MYCN: variants seen among roughly 807,000 people sequenced by gnomAD.
MYCN encodes the protein MYCN proto-oncogene, bHLH transcription factor.
A neutral mutation model predicts 28.1 loss-of-function variants in MYCN; 3 were observed. That is an observed-to-expected ratio of 0.11 (90% CI 0.05 to 0.28). The LOEUF is 0.28. Among genes scored for constraint, MYCN ranks in the 10% least tolerant of loss-of-function variants. The probability of loss-of-function intolerance (pLI) is 1.00; values close to 1 mark genes in which losing one functional copy is unlikely to be tolerated. For missense variants in MYCN, 572 were observed against 651.4 expected (o/e 0.88, Z 1.33); for synonymous variants, 326 against 288.3 (o/e 1.13, Z -1.32).
rs1572222131 is a variant in MYCN at position 15,946,391 on chromosome 2, A to C, written c.*294A>C. On this transcript the variant is annotated 3_prime_UTR_variant, in exon 3 of 3. Coordinates refer to ENST00000281043, the MANE Select transcript of MYCN (RefSeq NM_005378.6). ...CTGTTGAAGTCACCTTGTGTGTTCC[A>C]AGTTTCCAAACAACAGAAAGTCATT... 1.0e-5 allele frequency: 5 copies of C among 484,826 alleles called. No individual in the cohort carries two copies. Among genetic ancestry groups the C allele is most frequent in the Non-Finnish European group, 1.9e-5 (5 of 265,382 alleles). The allele number at this position is 484,826 out of a possible 1,614,324, so 30.0% of individuals were successfully genotyped here. A position where few individuals can be genotyped will look rare whatever the true frequency, so the allele number is the denominator to read the frequency against.
chr2:15,944,725 T>C (rs1361214281), intron 2 of MYCN, among the ~76,000 whole-genome samples: 2 of 152,186 alleles, frequency 1.3e-5, no homozygotes. Context: ...CTCAGCTCTA[T>C]GCTAAGTCTA....
Position 15,942,214 on chromosome 2 carries a change from G to A in MYCN, c.150G>A (p.Trp50Ter), listed in dbSNP as rs2103323877. ...CGACCCCCCCGGGGGAGGACATCTG[G>A]AAGAAGTTTGAGCTGCTGCCCACGC... ...PDSTPPGEDI[W>*]KKFELLPTPP... Residue 50 changes from tryptophan (W) to a stop codon, truncating the protein, a stop_gained, in exon 2 of 3, where the codon TGG becomes TGA. Transcript: ENST00000281043. LOFTEE classifies it high-confidence loss of function. This position sits in a 1 kb window ranked among gnomAD's most constrained non-coding sequence, Gnocchi z 7.0. 6.2e-7 allele frequency: 1 copy of A among 1,613,506 alleles called. No individual in the cohort carries two copies. The highest frequency in any genetic ancestry group is 1.1e-5 in the South Asian group (1 of 91,086).
In MYCN at chr2:15,942,605, C is replaced by T; in HGVS notation, c.541C>T (p.His181Tyr). The change falls in exon 2 of 3, where the codon CAC becomes TAC. Residue 181 changes from histidine (H) to tyrosine (Y), a missense_variant. Physicochemically the swap from His to Tyr is moderately conservative, Grantham distance 83 (BLOSUM62 2). Coordinates refer to ENST00000281043, the MANE Select transcript of MYCN (RefSeq NM_005378.6). The surrounding 1 kb of genome is among the most constrained non-coding windows in gnomAD (Gnocchi z 7.0). ...AGAALPAELA[H>Y]PAAECVDPAV... Reference sequence around the variant, plus strand: ...GGCCGCCCTGCCCGCCGAGCTCGCCCACCCGGCCGCCGAGTGCGTGGATCC... The same window carrying T: ...GGCCGCCCTGCCCGCCGAGCTCGCCTACCCGGCCGCCGAGTGCGTGGATCC... The T allele has an allele frequency of 2.7e-6, 3 of 1,092,206 alleles. No homozygotes were observed. The highest frequency in any genetic ancestry group is 3.3e-6 in the Non-Finnish European group (3 of 899,692). The allele number at this position is 1,092,206 out of a possible 1,614,324, so 67.7% of individuals were successfully genotyped here.
chr2:15,945,146 C>T lies in MYCN; in HGVS notation c.791-347C>T, dbSNP rs911594423. 7.9e-5 allele frequency among the ~76,000 whole-genome samples: 12 copies of T among 151,880 alleles called. No homozygotes were observed. Among genetic ancestry groups the T allele is most frequent in the South Asian group, 4.2e-4 (2 of 4,800 alleles). On this transcript the variant is annotated intron_variant, in intron 2 of 2. Transcript: ENST00000281043. The surrounding 1 kb of genome is among the most constrained non-coding windows in gnomAD (Gnocchi z 4.8). ...TCCCGAGTAGCTGGGATTACCGGAG[C>T]ATGCCACCACACCCAGCAAAGTTTT...
chr2:15,940,850 T>G lies in MYCN; in HGVS notation c.-118+107T>G, dbSNP rs561038774. 17 of 397,484 alleles carry G rather than the reference T, an allele frequency of 4.3e-5. 1 individual carries two copies. In the East Asian group the frequency reaches 6.1e-4, roughly 14 times the overall value. The allele number at this position is 397,484 out of a possible 1,614,324, so 24.6% of individuals were successfully genotyped here. The stretch of plus-strand genomic sequence containing the variant: ...GACGTGCGCACCGGGCGCCCTAATA[T>G]GCCCGGGGGACTGTTTCTGCTTCCG... On this transcript the variant is annotated intron_variant, in intron 1 of 2. Transcript: ENST00000281043.
At chr2:15,944,485 ACT>A (rs1662807286) in intron 2 of MYCN, among the ~76,000 whole-genome samples, 1 of 152,174 alleles carries the variant, frequency 6.6e-6, no homozygotes, top group Non-Finnish European at 1.5e-5. Context: ...ATTGTATAAA[ACT>A]CAGGTTTGTG....
At position 15,942,179 on chromosome 2, in the gene MYCN, G is replaced by A. The variant is rs1261161870; in HGVS notation, c.115G>A (p.Gly39Ser). ...YPDEDDFYFG[G>S]PDSTPPGEDI... ...GGACGAAGATGACTTCTACTTCGGC[G>A]GCCCCGACTCGACCCCCCCGGGGGA... is the stretch of plus-strand genomic sequence containing the variant. Residue 39 changes from glycine (G) to serine (S), a missense_variant, in exon 2 of 3, where the codon GGC becomes AGC. Gly to Ser is a moderately conservative substitution (Grantham distance 56). Transcript: ENST00000281043. This position sits in a 1 kb window ranked among gnomAD's most constrained non-coding sequence, Gnocchi z 7.0. 1.2e-6 allele frequency: 2 copies of A among 1,613,732 alleles called. No homozygotes were observed. Among genetic ancestry groups the A allele is most frequent in the Admixed American group, 1.7e-5 (1 of 60,030 alleles).
intron 2 of MYCN, among the ~76,000 whole-genome samples, chr2:15,943,114 A>C (rs190595163): frequency 6.2e-4 from 94 of 152,326 alleles, no homozygotes; most frequent in African/African-American, 2.2e-3. Flanking sequence ...CCTCTAGGCC[A>C]TCACGGGCCC....
Position 15,942,818 on chromosome 2 carries a change from C to G in MYCN, c.754C>G (p.Leu252Val). The change falls in exon 2 of 3, where the codon CTC becomes GTC. Residue 252 changes from leucine (L) to valine (V), a missense_variant. Physicochemically the swap from Leu to Val is conservative, Grantham distance 32 (BLOSUM62 1). Around this residue, in one of 3 missense-constraint regions of MYCN, gnomAD observed 499 missense variants for 524.3 expected, o/e 0.95. Transcript: ENST00000281043. This position sits in a 1 kb window ranked among gnomAD's most constrained non-coding sequence, Gnocchi z 7.0. Reference sequence around the variant, plus strand: ...GACCAGCGGCGGCGACCACAAGGCCCTCAGTACCTCCGGAGAGGACACCCT... The same window carrying G: ...GACCAGCGGCGGCGACCACAAGGCCGTCAGTACCTCCGGAGAGGACACCCT... ...RQTSGGDHKA[L>V]STSGEDTLSD... is the part of the protein sequence containing the mutation. The G allele has an allele frequency of 6.4e-7, 1 of 1,568,690 alleles. No homozygotes were observed. Among genetic ancestry groups the G allele is most frequent in the Non-Finnish European group, 8.6e-7 (1 of 1,164,728 alleles).
In MYCN at chr2:15,942,612, C is replaced by A. The variant is rs746805841; in HGVS notation, c.548C>A (p.Ala183Asp). 1 of 1,104,020 alleles carries A rather than the reference C, an allele frequency of 9.1e-7. No homozygotes were observed. Among genetic ancestry groups the A allele is most frequent in the Admixed American group, 4.3e-5 (1 of 23,150 alleles). The allele number at this position is 1,104,020 out of a possible 1,614,324, so 68.4% of individuals were successfully genotyped here. The change falls in exon 2 of 3, where the codon GCC (alanine) becomes GAC (aspartate). Residue 183 changes from alanine to aspartate, a missense_variant. By Grantham distance (126) the Ala-to-Asp change is moderately radical. Around this residue, in one of 3 missense-constraint regions of MYCN, gnomAD observed 499 missense variants for 524.3 expected, o/e 0.95. Coordinates refer to ENST00000281043, the MANE Select transcript of MYCN (RefSeq NM_005378.6). This position sits in a 1 kb window ranked among gnomAD's most constrained non-coding sequence, Gnocchi z 7.0. ...AALPAELAHP[A>D]AECVDPAVVF... ...CTGCCCGCCGAGCTCGCCCACCCGGCCGCCGAGTGCGTGGATCCCGCCGTG... is the reference window on the plus strand; with the variant it reads ...CTGCCCGCCGAGCTCGCCCACCCGGACGCCGAGTGCGTGGATCCCGCCGTG...
At position 15,942,197 on chromosome 2, in the gene MYCN, C is replaced by T. The variant is rs1295910814; in HGVS notation, c.133C>T (p.Pro45Ser). The T allele has an allele frequency of 2.5e-6, 4 of 1,613,654 alleles. No homozygotes were observed. The highest frequency in any genetic ancestry group is 3.4e-6 in the Non-Finnish European group (4 of 1,179,990). The change falls in exon 2 of 3, where the codon CCG (proline) becomes TCG (serine). Residue 45 changes from proline (P) to serine (S), a missense_variant. By Grantham distance (74) the Pro-to-Ser change is moderately conservative. Around this residue, in one of 3 missense-constraint regions of MYCN, gnomAD observed 499 missense variants for 524.3 expected, o/e 0.95. Transcript: ENST00000281043. The surrounding 1 kb of genome is among the most constrained non-coding windows in gnomAD (Gnocchi z 7.0). ...FYFGGPDSTP[P>S]GEDIWKKFEL... Reference sequence around the variant, plus strand: ...CTTCGGCGGCCCCGACTCGACCCCCCCGGGGGAGGACATCTGGAAGAAGTT... The same window carrying T: ...CTTCGGCGGCCCCGACTCGACCCCCTCGGGGGAGGACATCTGGAAGAAGTT...
rs765757312 is a variant in MYCN at position 15,942,795 on chromosome 2, C to G, written c.731C>G (p.Thr244Ser). 1.2e-5 allele frequency: 19 copies of G among 1,522,628 alleles called. No homozygotes were observed. The highest frequency in any genetic ancestry group is 2.8e-5 in the African/African-American group (2 of 71,102). The allele number at this position is 1,522,628 out of a possible 1,614,324, so 94.3% of individuals were successfully genotyped here. A position where few individuals can be genotyped will look rare whatever the true frequency, so the allele number is the denominator to read the frequency against. Residue 244 changes from threonine (T) to serine (S), a missense_variant, in exon 2 of 3, where the codon ACC becomes AGC. This residue lies in a region of MYCN where 499 missense variants were observed against 524.3 expected (regional missense o/e 0.95). Coordinates refer to ENST00000281043, the MANE Select transcript of MYCN (RefSeq NM_005378.6). This position sits in a 1 kb window ranked among gnomAD's most constrained non-coding sequence, Gnocchi z 7.0. ...CCTCCGCGCCCAGGCGGCCGCCAGACCAGCGGCGGCGACCACAAGGCCCTC... is the reference window on the plus strand; with the variant it reads ...CCTCCGCGCCCAGGCGGCCGCCAGAGCAGCGGCGGCGACCACAAGGCCCTC... ...VAPPRPGGRQ[T>S]SGGDHKALST...
In MYCN at chr2:15,942,069, C is replaced by T. The variant is rs370558211; in HGVS notation, c.5C>T (p.Pro2Leu). Residue 2 changes from proline (P) to leucine (L), a missense_variant, in exon 2 of 3, where the codon CCG (proline) becomes CTG (leucine). By Grantham distance (98) the Pro-to-Leu change is moderately conservative. Coordinates refer to ENST00000281043, the MANE Select transcript of MYCN (RefSeq NM_005378.6). The surrounding 1 kb of genome is among the most constrained non-coding windows in gnomAD (Gnocchi z 7.0). ...CGCCGGCCGGGAGGCGAGCCGATGCCGAGCTGCTCCACGTCCACCATGCCG... is the reference window on the plus strand; with the variant it reads ...CGCCGGCCGGGAGGCGAGCCGATGCTGAGCTGCTCCACGTCCACCATGCCG... MPSCSTSTMPGM... is the reference protein window; with the variant it reads MLSCSTSTMPGM... 16 of 1,613,556 alleles carry T rather than the reference C, an allele frequency of 9.9e-6. No individual in the cohort carries two copies. Among genetic ancestry groups the T allele is most frequent in the Non-Finnish European group, 1.4e-5 (16 of 1,180,000 alleles).
rs555597087 is a variant in MYCN at position 15,946,196 on chromosome 2, A to G, written c.*99A>G. 3.8e-5 allele frequency: 60 copies of G among 1,569,196 alleles called. No individual in the cohort carries two copies. Among genetic ancestry groups the G allele is most frequent in the African/African-American group, 9.5e-5 (7 of 74,042 alleles). ...CATTAAGAATGTTGGTTTACTTTCA[A>G]ATCGGTCCCCTGTCGAGTTCGGCTC... is the stretch of plus-strand genomic sequence containing the variant. On this transcript the variant is annotated 3_prime_UTR_variant, in exon 3 of 3. Coordinates refer to ENST00000281043, the MANE Select transcript of MYCN (RefSeq NM_005378.6).
rs2103332369 is a variant in MYCN at position 15,946,126 on chromosome 2, C to T, written c.*29C>T. The T allele has an allele frequency of 6.2e-7, 1 of 1,613,906 alleles. No individual in the cohort carries two copies. The highest frequency in any genetic ancestry group is 1.1e-5 in the South Asian group (1 of 91,048). Reference sequence around the variant, plus strand: ...CTTCTCAAAACTGGACAGTCACTGCCACTTTGCACATTTTGATTTTTTTTT... The same window carrying T: ...CTTCTCAAAACTGGACAGTCACTGCTACTTTGCACATTTTGATTTTTTTTT... On this transcript the variant is annotated 3_prime_UTR_variant, in exon 3 of 3. Transcript: ENST00000281043.
chr2:15,945,769 C>T lies in MYCN; in HGVS notation c.1067C>T (p.Pro356Leu), dbSNP rs772736778. 5.8e-5 allele frequency: 93 copies of T among 1,613,976 alleles called. No homozygotes were observed. Among genetic ancestry groups the T allele is most frequent in the African/African-American group, 2.7e-5 (2 of 74,900 alleles). Reference protein sequence around the residue: ...PQKKIKSEASPRPLKSVIPPK... With the variant: ...PQKKIKSEASLRPLKSVIPPK... ...AAGAAGATAAAGAGCGAGGCGTCCC[C>T]ACGTCCGCTCAAGAGTGTCATCCCC... Residue 356 changes from proline to leucine, a missense_variant, in exon 3 of 3, where the codon CCA becomes CTA. Pro to Leu is a moderately conservative substitution (Grantham distance 98, BLOSUM62 -3). Around this residue, in one of 3 missense-constraint regions of MYCN, gnomAD observed 499 missense variants for 524.3 expected, o/e 0.95. Coordinates refer to ENST00000281043, the MANE Select transcript of MYCN (RefSeq NM_005378.6). The surrounding 1 kb of genome is among the most constrained non-coding windows in gnomAD (Gnocchi z 4.8).
Position 15,945,405 on chromosome 2 carries a change from A to G in MYCN, c.791-88A>G, listed in dbSNP as rs1662834951. Reference sequence around the variant, plus strand: ...AGTCTGCCAGGGTCTGCCGGAAGAGACAGATAAGCATACATATTAACATGG... The same window carrying G: ...AGTCTGCCAGGGTCTGCCGGAAGAGGCAGATAAGCATACATATTAACATGG... On this transcript the variant is annotated intron_variant, in intron 2 of 2. Transcript: ENST00000281043. This position sits in a 1 kb window ranked among gnomAD's most constrained non-coding sequence, Gnocchi z 4.8. The G allele has an allele frequency of 1.4e-6, 2 of 1,463,896 alleles. No individual in the cohort carries two copies. Among genetic ancestry groups the G allele is most frequent in the Non-Finnish European group, 1.9e-6 (2 of 1,069,338 alleles). 90.7% of individuals were successfully genotyped at this position (1,463,896 alleles called of 1,614,324 possible). A position where few individuals can be genotyped will look rare whatever the true frequency, so the allele number is the denominator to read the frequency against.
Position 15,945,978 on chromosome 2 carries a change from G to T in MYCN, c.1276G>T (p.Ala426Ser). The change falls in exon 3 of 3, where the codon GCC becomes TCC. Residue 426 changes from alanine to serine, a missense_variant. This residue lies in a region of MYCN where 61 missense variants were observed against 81.6 expected (regional missense o/e 0.75). Coordinates refer to ENST00000281043, the MANE Select transcript of MYCN (RefSeq NM_005378.6). This position sits in a 1 kb window ranked among gnomAD's most constrained non-coding sequence, Gnocchi z 4.8. ...KAAKVVILKK[A>S]TEYVHSLQAE... The stretch of plus-strand genomic sequence containing the variant: ...CGCCAAGGTGGTCATTTTGAAAAAG[G>T]CCACTGAGTATGTCCACTCCCTCCA... The T allele has an allele frequency of 6.2e-7, 1 of 1,614,158 alleles. No individual in the cohort carries two copies. The highest frequency in any genetic ancestry group is 8.5e-7 in the Non-Finnish European group (1 of 1,180,042).
chr2:15,945,954 G>C lies in MYCN; in HGVS notation c.1252G>C (p.Ala418Pro), dbSNP rs760647298. The C allele has an allele frequency of 1.2e-6, 2 of 1,614,094 alleles. No individual in the cohort carries two copies. The highest frequency in any genetic ancestry group is 3.3e-5 in the Admixed American group (2 of 60,018). The change falls in exon 3 of 3, where the codon GCC becomes CCC. Residue 418 changes from alanine (A) to proline (P), a missense_variant. By Grantham distance (27) the Ala-to-Pro change is conservative. Around this residue, in one of 3 missense-constraint regions of MYCN, gnomAD observed 61 missense variants for 81.6 expected, o/e 0.75. Transcript: ENST00000281043. The surrounding 1 kb of genome is among the most constrained non-coding windows in gnomAD (Gnocchi z 4.8). ...GGAGTTGGTAAAGAATGAGAAGGCC[G>C]CCAAGGTGGTCATTTTGAAAAAGGC... Reference protein sequence around the residue: ...VPELVKNEKAAKVVILKKATE... With the variant: ...VPELVKNEKAPKVVILKKATE...
Sources: gnomAD v4.1 joint callset for allele counts (sites outside exome capture counted in the v4.1 genomes callset) on GRCh38, gnomAD v4.1.1 for gene constraint, gnomAD v4.1.1 regional missense constraint, Gnocchi (gnomAD v3.1) non-coding constraint, MANE v1.5 for transcripts, NCBI Gene and HGNC (gene_info 2026-07-23, HGNC 2026-07-21) for gene names.